The following SYNE3 variants were observed in gnomAD, a reference collection of about 807,000 sequenced individuals.
SYNE3 encodes the protein spectrin repeat containing nuclear envelope family member 3, also known as nesprin-3.
In SYNE3, 100 loss-of-function variants were observed where a neutral mutation model predicts 111.2. The ratio of observed to expected loss-of-function variants is 0.90; its 90% CI spans 0.77 to 1.06. SYNE3 has a LOEUF of 1.06. Among genes scored for constraint, SYNE3 ranks in the 50% least tolerant of loss-of-function variants. The pLI is 0.00. For synonymous variants in SYNE3, 547 were observed against 533.9 expected (o/e 1.02, Z -0.34); for missense variants, 1,160 against 1,240.3 (o/e 0.94, Z 0.97).
intron 1 of SYNE3, among the ~76,000 whole-genome samples, chr14:95,515,249 G>A (rs1261787911): frequency 1.3e-5 from 2 of 152,256 alleles, no homozygotes; most frequent in Non-Finnish European, 2.9e-5. Flanking sequence ...CACAGCTGTG[G>A]CTGTCAGCCT....
intron 14 of SYNE3, among the ~76,000 whole-genome samples, 164 bp from the exon 15 acceptor site, chr14:95,437,145 T>C (rs548109975): frequency 6.6e-6 from 1 of 152,114 alleles, no homozygotes; most frequent in Non-Finnish European, 1.5e-5. Flanking sequence ...CTCAACATGG[T>C]CACATTTAAG....
At chr14:95,449,748 G>C (rs985458770) in intron 8 of SYNE3, 183 bp downstream of exon 8, 16 of 962,876 alleles carry the variant, frequency 1.7e-5, no homozygotes, top group South Asian at 4.8e-5. Flanking sequence ...GCTGACCTTT[G>C]TCAGTGTAAC....
At chr14:95,479,281 C>T (rs954234526) in intron 1 of SYNE3, among the ~76,000 whole-genome samples, 18 of 148,962 alleles carry the variant, frequency 1.2e-4, no homozygotes, top group East Asian at 3.9e-4. Context: ...CACTTGAGTC[C>T]GGAAGGTCCA....
Position 95,445,182 on chromosome 14 carries a change from TG to T in SYNE3, c.1633-555del, listed in dbSNP as rs11296599. On this transcript the variant is annotated intron_variant, in intron 9 of 17. Coordinates refer to ENST00000682763, the MANE Select transcript of SYNE3 (RefSeq NM_152592.6). ...TCTTCATCCCCCCAGCTCCTAGAAC[TG>T]CACCAGGCCCTGTGGATGGAGGGAA... is the stretch of plus-strand genomic sequence containing the variant. 5.1e-3 allele frequency among the ~76,000 whole-genome samples: 776 copies of T among 152,310 alleles called. 6 individuals are homozygous for T. The highest frequency in any genetic ancestry group is 0.017 in the African/African-American group (726 of 41,554).
intron 1 of SYNE3, among the ~76,000 whole-genome samples, chr14:95,477,552 G>T (rs1472589564): frequency 6.6e-6 from 1 of 152,212 alleles, no homozygotes; most frequent in African/African-American, 2.4e-5. Context: ...CCATCCCCAG[G>T]CCCTGCACGG....
chr14:95,512,621 G>A (rs1890761898), intron 1 of SYNE3, among the ~76,000 whole-genome samples: 1 of 151,664 alleles, frequency 6.6e-6, no homozygotes, highest in African/African-American at 2.4e-5. Context: ...GGGAGGCTGA[G>A]GTGGGCAGAT....
At chr14:95,476,108 C>T (rs766116663) in intron 1 of SYNE3, among the ~76,000 whole-genome samples, 2 of 152,234 alleles carry the variant, frequency 1.3e-5, no homozygotes, top group Admixed American at 6.5e-5. Context: ...TTCCTCTTCT[C>T]GAAGCTTGAG....
intron 1 of SYNE3, among the ~76,000 whole-genome samples, chr14:95,479,502 T>C (rs1001995206): frequency 1.3e-5 from 2 of 152,174 alleles, no homozygotes; most frequent in African/African-American, 2.4e-5. Flanking sequence ...AGACAGCAGC[T>C]GTCTCACCAG....
rs192011136 is a variant in SYNE3 at position 95,497,657 on chromosome 14, T to C, written c.-15+18939A>G. ...TCTGGAGACGGTCAGAGAGCAAGGCTTTTAGGCTTTACAAGCCATATGGTC... is the reference window on the plus strand; with the variant it reads ...TCTGGAGACGGTCAGAGAGCAAGGCCTTTAGGCTTTACAAGCCATATGGTC... On this transcript the variant is annotated intron_variant, in intron 1 of 17. Coordinates refer to ENST00000682763, the MANE Select transcript of SYNE3 (RefSeq NM_152592.6). Among the ~76,000 whole-genome samples, 373 of 152,322 alleles carry C rather than the reference T, an allele frequency of 2.4e-3. 2 individuals carry two copies. Among genetic ancestry groups the C allele is most frequent in the Non-Finnish European group, 3.3e-3 (226 of 68,016 alleles).
chr14:95,408,916 A>T lies in SYNE3; in HGVS notation c.*8910T>A. On this transcript the variant is annotated 3_prime_UTR_variant, in exon 18 of 18. Transcript: ENST00000682763. ...GTCCGTGCTTTTCCAGTGGGAAGGT[A>T]GACAGACAGTGGGTACCTGCTCCCG... 2.8e-6 allele frequency: 1 copy of T among 353,138 alleles called. No individual in the cohort carries two copies. The highest frequency in any genetic ancestry group is 2.1e-5 in the South Asian group (1 of 47,634). 21.9% of individuals were successfully genotyped at this position (353,138 alleles called of 1,614,324 possible).
At chr14:95,459,466 G>A (rs557623761) in intron 4 of SYNE3, among the ~76,000 whole-genome samples, 2 of 152,304 alleles carry the variant, frequency 1.3e-5, no homozygotes, top group East Asian at 3.9e-4. Flanking sequence ...TCGGGAGGCT[G>A]AGGCTGAAGC....
intron 6 of SYNE3, among the ~76,000 whole-genome samples, chr14:95,454,194 GGA>G (rs1887269407): frequency 6.6e-6 from 1 of 152,246 alleles, no homozygotes; most frequent in Non-Finnish European, 1.5e-5. Context: ...CAGGGGGGAT[GGA>G]TCCACTGATG....
Position 95,408,746 on chromosome 14 carries a change from G to C in SYNE3, c.*9080C>G. On this transcript the variant is annotated 3_prime_UTR_variant, in exon 18 of 18. Transcript: ENST00000682763. ...CATGCACACACAGCTTCCTCTGTCC[G>C]CTTCCTCCTCCCCAGTAAAACTTCT... The C allele has an allele frequency of 2.4e-4, 32 of 134,498 alleles. No homozygotes were observed. Among genetic ancestry groups the C allele is most frequent in the East Asian group, 6.7e-4 (3 of 4,500 alleles). 8.3% of individuals were successfully genotyped at this position (134,498 alleles called of 1,614,324 possible). A position where few individuals can be genotyped will look rare whatever the true frequency, so the allele number is the denominator to read the frequency against.
Position 95,417,845 on chromosome 14 carries a change from T to C in SYNE3, c.2909A>G (p.Asn970Ser). 6.2e-7 allele frequency: 1 copy of C among 1,614,148 alleles called. No homozygotes were observed. The highest frequency in any genetic ancestry group is 2.2e-5 in the East Asian group (1 of 44,886). ...ARSFTLMLRY[N>S]GPPPT ...AGTGGGTTAGGTGGGTGGTGGGCCATTGTAGCGCAGCATGAGCGTGAAGGA... is the reference window on the plus strand; with the variant it reads ...AGTGGGTTAGGTGGGTGGTGGGCCACTGTAGCGCAGCATGAGCGTGAAGGA... The change falls in exon 18 of 18, where the codon AAT (asparagine) becomes AGT (serine). Residue 970 changes from asparagine (N) to serine (S), a missense_variant. By Grantham distance (46) the Asn-to-Ser change is conservative (BLOSUM62 1). Transcript: ENST00000682763.
chr14:95,494,186 C>T (rs61983373), intron 1 of SYNE3, among the ~76,000 whole-genome samples: 23,167 of 152,134 alleles, frequency 0.15, 2,125 homozygotes, highest in Middle Eastern at 0.23. Flanking sequence ...CCAGATGTGC[C>T]TGGCGCGGTG....
At chr14:95,472,544 C>A (rs977701615) in intron 2 of SYNE3, among the ~76,000 whole-genome samples, 4 of 152,214 alleles carry the variant, frequency 2.6e-5, no homozygotes, top group Admixed American at 2.0e-4. Flanking sequence ...TGCCAGCATA[C>A]CCTGCACTGT....
intron 1 of SYNE3, among the ~76,000 whole-genome samples, chr14:95,489,736 A>T (rs918206864): frequency 6.7e-6 from 1 of 150,016 alleles, no homozygotes; most frequent in Non-Finnish European, 1.5e-5. Context: ...GTCACGAGCC[A>T]CCATGCCTGG....
chr14:95,477,449 A>G (rs569028199), intron 1 of SYNE3, among the ~76,000 whole-genome samples: 2 of 152,276 alleles, frequency 1.3e-5, no homozygotes, highest in South Asian at 4.1e-4. Context: ...TTTACTTTAC[A>G]ATTTTTATTA....
In SYNE3 at chr14:95,409,297, A is replaced by C; in HGVS notation, c.*8529T>G. On this transcript the variant is annotated 3_prime_UTR_variant, in exon 18 of 18. Coordinates refer to ENST00000682763, the MANE Select transcript of SYNE3 (RefSeq NM_152592.6). Reference sequence around the variant, plus strand: ...TGACTCCATAGCACAGGCTTTTTGAAAGTGTCATGACCATATTGCAGGCGC... The same window carrying C: ...TGACTCCATAGCACAGGCTTTTTGACAGTGTCATGACCATATTGCAGGCGC... 2.2e-6 allele frequency: 1 copy of C among 456,690 alleles called. No individual in the cohort carries two copies. Among genetic ancestry groups the C allele is most frequent in the South Asian group, 1.5e-5 (1 of 64,574 alleles). 28.3% of individuals were successfully genotyped at this position (456,690 alleles called of 1,614,324 possible). A position where few individuals can be genotyped will look rare whatever the true frequency, so the allele number is the denominator to read the frequency against.
Sources: gnomAD v4.1 joint callset for allele counts (sites outside exome capture counted in the v4.1 genomes callset) on GRCh38, gnomAD v4.1.1 for gene constraint, MANE v1.5 for transcripts, NCBI Gene and HGNC (gene_info 2026-07-23, HGNC 2026-07-21) for gene names.